The following OSBPL6 variants were observed in gnomAD, a reference collection of about 807,000 sequenced individuals.
The protein encoded by OSBPL6 is oxysterol binding protein like 6, also known as oxysterol-binding protein-related protein 6.
OSBPL6 carries 49 observed loss-of-function variants against 125.8 expected under a neutral mutation model. The observed-to-expected ratio is 0.39, with a 90% confidence interval of 0.31 to 0.49. The LOEUF (loss-of-function observed/expected upper bound fraction) is 0.49. Ranked by LOEUF, OSBPL6 falls within the 20% of genes least tolerant of loss-of-function variation. The pLI is 0.88. For synonymous variants in OSBPL6, 394 were observed against 391.8 expected, an observed-to-expected ratio of 1.01 and a Z score of -0.07; for missense variants, 986 against 1,135.4, an observed-to-expected ratio of 0.87 and a Z score of 1.89.
chr2:178,241,408 G>T (rs1164836197), intron 1 of OSBPL6, among the ~76,000 whole-genome samples: 1 of 146,388 alleles, frequency 6.8e-6, no homozygotes, highest in South Asian at 2.1e-4. Context: ...CACTGCACCC[G>T]GCCAGGGCTT....
At chr2:178,369,332 A>G (rs1453161521) in intron 13 of OSBPL6, among the ~76,000 whole-genome samples, 2 of 152,188 alleles carry the variant, frequency 1.3e-5, no homozygotes, top group African/African-American at 4.8e-5. Context: ...GATTTGCCCC[A>G]TAAAGTATAG....
chr2:178,377,121 C>T (rs990109337), intron 15 of OSBPL6, among the ~76,000 whole-genome samples: 12 of 152,288 alleles, frequency 7.9e-5, no homozygotes, highest in Admixed American at 7.2e-4. Context: ...AAGGAAATAC[C>T]TGAGACTGGG....
chr2:178,244,669 G>T (rs1261947732), intron 1 of OSBPL6, among the ~76,000 whole-genome samples: 1 of 152,288 alleles, frequency 6.6e-6, no homozygotes, highest in East Asian at 1.9e-4. Flanking sequence ...GAATATCCTG[G>T]CATTTGCTAT....
intron 12 of OSBPL6, among the ~76,000 whole-genome samples, chr2:178,359,892 A>T (rs988971408): frequency 6.6e-6 from 1 of 152,192 alleles, no homozygotes; most frequent in African/African-American, 2.4e-5. Context: ...GTTTGAGAGC[A>T]GTCTGGTCAA....
rs1696074547 is a variant in OSBPL6 at position 178,400,559 on chromosome 2, T to C, written c.*5000T>C. 15 of 152,218 alleles carry C rather than the reference T, an allele frequency of 9.9e-5. No individual in the cohort carries two copies. Among genetic ancestry groups the C allele is most frequent in the Admixed American group, 9.8e-4 (15 of 15,282 alleles). 9.4% of individuals were successfully genotyped at this position (152,218 alleles called of 1,614,324 possible). A position where few individuals can be genotyped will look rare whatever the true frequency, so the allele number is the denominator to read the frequency against. On this transcript the variant is annotated 3_prime_UTR_variant, in exon 25 of 25. Coordinates refer to ENST00000190611, the MANE Select transcript of OSBPL6 (RefSeq NM_032523.4). ...GCCTCAGCCCCCCAAAGTGCTGGGA[T>C]TACAGGTGTGAGCAACCGCGCCTGG...
At position 178,372,166 on chromosome 2, in the gene OSBPL6, G is replaced by C. The variant is rs1375061895; in HGVS notation, c.1328G>C (p.Arg443Thr). Residue 443 changes from arginine (R) to threonine (T), a missense_variant, in exon 14 of 25, where the codon AGA (arginine) becomes ACA (threonine). Arg to Thr is a moderately conservative substitution (Grantham distance 71). This residue lies in a region of OSBPL6 where 843 missense variants were observed against 997.3 expected (regional missense o/e 0.85). Coordinates refer to ENST00000190611, the MANE Select transcript of OSBPL6 (RefSeq NM_032523.4). Reference protein sequence around the residue: ...QNAELRSRLNRIHSESIICDQ... With the variant: ...QNAELRSRLNTIHSESIICDQ... Reference sequence around the variant, plus strand: ...GCTGAACTAAGGAGTCGGTTGAACAGAATACATTCAGAGTCTATTATTTGT... The same window carrying C: ...GCTGAACTAAGGAGTCGGTTGAACACAATACATTCAGAGTCTATTATTTGT... The C allele has an allele frequency of 2.5e-6, 4 of 1,613,284 alleles. No homozygotes were observed. Among genetic ancestry groups the C allele is most frequent in the Non-Finnish European group, 3.4e-6 (4 of 1,179,504 alleles).
Position 178,247,710 on chromosome 2 carries a change from G to T in OSBPL6, c.-350-37217G>T, listed in dbSNP as rs2091545112. 2.0e-5 allele frequency among the ~76,000 whole-genome samples: 3 copies of T among 152,080 alleles called. No individual in the cohort carries two copies. In the South Asian group the frequency reaches 6.2e-4, roughly 32 times the overall value. The stretch of plus-strand genomic sequence containing the variant: ...TTTCCCTACTTGTAGCTGGTCCTGA[G>T]AACTGCAAGCTCTTGGGCCTGTGTT... On this transcript the variant is annotated intron_variant, in intron 1 of 24. Coordinates refer to ENST00000190611, the MANE Select transcript of OSBPL6 (RefSeq NM_032523.4).
chr2:178,354,236 A>C (rs1691561925), intron 12 of OSBPL6, among the ~76,000 whole-genome samples: 1 of 152,240 alleles, frequency 6.6e-6, no homozygotes, highest in South Asian at 2.1e-4. Flanking sequence ...ACACATAAGA[A>C]TATTAACTTT....
rs919241796 is a variant in OSBPL6, at chr2:178,399,126, A to G, written c.*3567A>G. 1 of 152,176 alleles carries G rather than the reference A, an allele frequency of 6.6e-6. No homozygotes were observed. The highest frequency in any genetic ancestry group is 2.4e-5 in the African/African-American group (1 of 41,432). The allele number at this position is 152,176 out of a possible 1,614,324, so 9.4% of individuals were successfully genotyped here. Reference sequence around the variant, plus strand: ...GTGTACAAAATACTAGTTTATTTCTATGGGAGCCATTATGTTCAGGATATA... The same window carrying G: ...GTGTACAAAATACTAGTTTATTTCTGTGGGAGCCATTATGTTCAGGATATA... On this transcript the variant is annotated 3_prime_UTR_variant, in exon 25 of 25. Coordinates refer to ENST00000190611, the MANE Select transcript of OSBPL6 (RefSeq NM_032523.4).
chr2:178,334,199 G>A (rs1030644326), intron 8 of OSBPL6, among the ~76,000 whole-genome samples: 1 of 152,170 alleles, frequency 6.6e-6, no homozygotes, highest in African/African-American at 2.4e-5. Context: ...ACTGCACTGC[G>A]CAGGGGTGCT....
In OSBPL6 at chr2:178,391,143, A is replaced by G. The variant is rs1265754661; in HGVS notation, c.2372A>G (p.Tyr791Cys). 6.2e-7 allele frequency: 1 copy of G among 1,614,010 alleles called. No homozygotes were observed. The highest frequency in any genetic ancestry group is 1.3e-5 in the African/African-American group (1 of 75,050). Residue 791 changes from tyrosine (Y) to cysteine (C), a missense_variant, in exon 22 of 25, where the codon TAC (tyrosine) becomes TGC (cysteine). Physicochemically the swap from Tyr to Cys is radical, Grantham distance 194. Coordinates refer to ENST00000190611, the MANE Select transcript of OSBPL6 (RefSeq NM_032523.4). The stretch of plus-strand genomic sequence containing the variant: ...ATAGATCAGGAGGGGAAGGCGGTGT[A>G]CCGGCTGTTTGGAAAGTGGCATGAA... ...VVIDQEGKAV[Y>C]RLFGKWHEGL...
chr2:178,388,032 A>G (rs1212609441), intron 20 of OSBPL6, among the ~76,000 whole-genome samples: 1 of 152,126 alleles, frequency 6.6e-6, no homozygotes, highest in Non-Finnish European at 1.5e-5. Context: ...TGTATAAGGA[A>G]GAGAGTTTTC....
intron 21 of OSBPL6, among the ~76,000 whole-genome samples, chr2:178,389,390 T>C (rs1020204298): frequency 2.0e-5 from 3 of 152,204 alleles, no homozygotes; most frequent in Admixed American, 1.3e-4. Flanking sequence ...CATGTCTTTT[T>C]AAAGAATTTT....
intron 1 of OSBPL6, chr2:178,230,450 G>C (rs1175205539): frequency 6.6e-6 from 1 of 152,118 alleles, no homozygotes; most frequent in African/African-American, 2.4e-5. Flanking sequence ...TGGCATACTG[G>C]GTTCCTCGGA....
rs1559200683 is a variant in OSBPL6, at chr2:178,284,918, CTT to C, written c.-350-5_-350-4del. ...GATGTACTATATGACTGTAATCTCTCTTTTTCAGGTTCTGCCACTTGCTGGGA... is the reference window on the plus strand; with the variant it reads ...GATGTACTATATGACTGTAATCTCTCTTTCAGGTTCTGCCACTTGCTGGGA... On this transcript the variant is annotated splice_polypyrimidine_tract_variant and splice_region_variant and intron_variant, in intron 1 of 24. Transcript: ENST00000190611. The C allele has an allele frequency of 2.5e-6, 1 of 397,710 alleles. No individual in the cohort carries two copies. The allele number at this position is 397,710 out of a possible 1,614,324, so 24.6% of individuals were successfully genotyped here. A position where few individuals can be genotyped will look rare whatever the true frequency, so the allele number is the denominator to read the frequency against.
At chr2:178,248,483 A>G (rs957086919) in intron 1 of OSBPL6, among the ~76,000 whole-genome samples, 1 of 152,206 alleles carries the variant, frequency 6.6e-6, no homozygotes, top group Non-Finnish European at 1.5e-5. Context: ...TGAAAAACAA[A>G]CAAACATATA....
chr2:178,245,501 G>T (rs1034987843), intron 1 of OSBPL6, among the ~76,000 whole-genome samples: 4 of 152,184 alleles, frequency 2.6e-5, no homozygotes, highest in African/African-American at 9.7e-5. Flanking sequence ...GGAGGCTGGT[G>T]CTTATTCCAA....
chr2:178,393,197 A>C (rs2154119913), intron 23 of OSBPL6, among the ~76,000 whole-genome samples: 1 of 152,296 alleles, frequency 6.6e-6, no homozygotes, highest in Admixed American at 6.5e-5. Context: ...TTACTTCTAT[A>C]ACTCTGTAAC....
rs1471659641 is a variant in OSBPL6, at chr2:178,336,442, T to C, written c.790+9T>C. 2 of 1,612,684 alleles carry C rather than the reference T, an allele frequency of 1.2e-6. No homozygotes were observed. The highest frequency in any genetic ancestry group is 1.3e-5 in the African/African-American group (1 of 74,990). Reference sequence around the variant, plus strand: ...GGACAGGTGTGCAGAAGGTTAGTTCTTGCCCAGTGTGGCCTGAGAGTAAGC... The same window carrying C: ...GGACAGGTGTGCAGAAGGTTAGTTCCTGCCCAGTGTGGCCTGAGAGTAAGC... On this transcript the variant is annotated intron_variant, in intron 9 of 24. Coordinates refer to ENST00000190611, the MANE Select transcript of OSBPL6 (RefSeq NM_032523.4).
Sources: gnomAD v4.1 joint callset for allele counts (sites outside exome capture counted in the v4.1 genomes callset) on GRCh38, gnomAD v4.1.1 for gene constraint, gnomAD v4.1.1 regional missense constraint, MANE v1.5 for transcripts, NCBI Gene and HGNC (gene_info 2026-07-23, HGNC 2026-07-21) for gene names.